The following LARS1 variants were observed in gnomAD, a reference collection of about 807,000 sequenced individuals.
LARS1 encodes leucine--tRNA ligase, cytoplasmic.
In LARS1, 100 loss-of-function variants were observed where a neutral mutation model predicts 162.8. The ratio of observed to expected loss-of-function variants is 0.61; its 90% CI spans 0.52 to 0.73. The LOEUF is 0.73. Among genes scored for constraint, LARS1 ranks in the 30% least tolerant of loss-of-function variants. The pLI is 0.00. For synonymous variants in LARS1, 457 were observed against 462.8 expected (o/e 0.99, Z 0.16); for missense variants, 1,258 against 1,408.9 (o/e 0.89, Z 1.71).
At chr5:146,167,234 C>T (rs1395987171) in intron 5 of LARS1, among the ~76,000 whole-genome samples, 3 of 152,032 alleles carry the variant, frequency 2.0e-5, no homozygotes, top group African/African-American at 7.2e-5. Flanking sequence ...TGGTAAAATC[C>T]AAAAAGTCTG....
At chr5:146,149,276 A>G (rs761739755) in intron 15 of LARS1, among the ~76,000 whole-genome samples, 1 of 152,214 alleles carries the variant, frequency 6.6e-6, no homozygotes, top group Non-Finnish European at 1.5e-5. Flanking sequence ...TCAGCTAAAT[A>G]GAAGAGAGTT....
intron 1 of LARS1, among the ~76,000 whole-genome samples, chr5:146,180,122 T>G: frequency 6.6e-6 from 1 of 152,182 alleles, no homozygotes; most frequent in East Asian, 1.9e-4. Flanking sequence ...GAGCAGGACA[T>G]GGGAACACTG....
rs1024112928 is a variant in LARS1, at chr5:146,181,864, T to C, written c.6+624A>G. 2.5e-4 allele frequency among the ~76,000 whole-genome samples: 34 copies of C among 137,660 alleles called. 1 individual carries two copies. Among genetic ancestry groups the C allele is most frequent in the Non-Finnish European group, 3.5e-4 (23 of 65,636 alleles). The allele number at this position is 137,660 out of a possible 152,430, so 90.3% of individuals were successfully genotyped here. ...CAATTTTTTCTTTTTTTTTTTTTTTTTTTTTTTTTTTTTTTGCTGTAAGTA... is the reference window on the plus strand; with the variant it reads ...CAATTTTTTCTTTTTTTTTTTTTTTCTTTTTTTTTTTTTTTGCTGTAAGTA... On this transcript the variant is annotated intron_variant, in intron 1 of 31. Coordinates refer to ENST00000394434, the MANE Select transcript of LARS1 (RefSeq NM_020117.11).
chr5:146,140,287 GAAAATAAAA>G, intron 20 of LARS1, 26 bp from the exon 21 acceptor site: 1 of 1,576,676 alleles, frequency 6.3e-7, no homozygotes, highest in Non-Finnish European at 8.7e-7. Context: ...TTTAAAGATA[GAAAATAAAA>G]AAACAAAGAT....
At chr5:146,136,910 CT>C (rs1752525839) in intron 21 of LARS1, among the ~76,000 whole-genome samples, 2 of 152,020 alleles carry the variant, frequency 1.3e-5, no homozygotes, top group African/African-American at 4.8e-5. Context: ...TCCTTTTTCC[CT>C]TTTTTTGAGA....
chr5:146,165,778 T>C (rs191000677), intron 5 of LARS1, among the ~76,000 whole-genome samples: 17 of 152,246 alleles, frequency 1.1e-4, no homozygotes, highest in African/African-American at 2.4e-4. Context: ...GTCAGTAAAA[T>C]TGTTTCTCCC....
chr5:146,138,366 C>T (rs969667769), intron 21 of LARS1: 2 of 160,792 alleles, frequency 1.2e-5, no homozygotes, highest in Non-Finnish European at 2.9e-5. Flanking sequence ...TGATGCTATA[C>T]CCCTCAAGGA....
intron 30 of LARS1, among the ~76,000 whole-genome samples, chr5:146,121,891 G>A (rs2126376258): frequency 6.6e-6 from 1 of 152,088 alleles, no homozygotes; most frequent in East Asian, 1.9e-4. Context: ...CGGGTAGATG[G>A]GTGCAGCAAT....
intron 6 of LARS1, among the ~76,000 whole-genome samples, chr5:146,161,950 A>G (rs1036023243): frequency 2.0e-5 from 3 of 152,164 alleles, no homozygotes; most frequent in Admixed American, 1.3e-4. Context: ...AAGTTTTCTC[A>G]TGAGATTATA....
At chr5:146,135,309 G>A (rs1479373230) in intron 22 of LARS1, among the ~76,000 whole-genome samples, 2 of 151,784 alleles carry the variant, frequency 1.3e-5, no homozygotes, top group Non-Finnish European at 1.5e-5. Flanking sequence ...GAGCCACCGC[G>A]CTTGGCCCAT....
intron 15 of LARS1, among the ~76,000 whole-genome samples, chr5:146,148,331 C>G (rs1250369217): frequency 1.3e-5 from 2 of 152,160 alleles, no homozygotes; most frequent in Non-Finnish European, 2.9e-5. Flanking sequence ...CCAGAAAGCG[C>G]TGGAAGAGCT....
chr5:146,174,587 C>CATAT (rs58220245), intron 2 of LARS1, among the ~76,000 whole-genome samples: 16 of 24,766 alleles, frequency 6.5e-4, no homozygotes, highest in African/African-American at 1.2e-3. Flanking sequence ...TGTATATATC[C>CATAT]ATATATATAT....
At chr5:146,149,600 C>T (rs371714319) in intron 15 of LARS1, 22 bp downstream of exon 15, 25 of 1,571,622 alleles carry the variant, frequency 1.6e-5, no homozygotes, top group Non-Finnish European at 2.1e-5. Flanking sequence ...AAACAGCCTT[C>T]AGAGCATAGC....
Position 146,144,759 on chromosome 5 carries a change from T to G in LARS1, c.1504-50A>C, listed in dbSNP as rs756925218. ...ATTAGATACTATGTCAAATCAATCT[T>G]CATTCCTCAAGGATAAAAATTACTT... On this transcript the variant is annotated intron_variant, in intron 15 of 31. Transcript: ENST00000394434. 120 of 1,480,420 alleles carry G rather than the reference T, an allele frequency of 8.1e-5. 1 individual carries two copies. Among genetic ancestry groups the G allele is most frequent in the Non-Finnish European group, 1.1e-4 (119 of 1,063,802 alleles). The allele number at this position is 1,480,420 out of a possible 1,614,324, so 91.7% of individuals were successfully genotyped here.
At chr5:146,130,720 TATC>T (rs1292570267) in intron 24 of LARS1, 1 of 243,910 alleles carries the variant, frequency 4.1e-6, no homozygotes, top group African/African-American at 2.2e-5. Flanking sequence ...CCTTTGTTTT[TATC>T]AATTTTGAAA....
chr5:146,140,804 C>CA (rs1752740021), intron 20 of LARS1, among the ~76,000 whole-genome samples: 1 of 151,772 alleles, frequency 6.6e-6, no homozygotes, highest in Non-Finnish European at 1.5e-5. Flanking sequence ...GACTCCCTCT[C>CA]AAAAAAATGT....
chr5:146,125,110 T>C (rs1021362898), intron 28 of LARS1, among the ~76,000 whole-genome samples: 2 of 151,942 alleles, frequency 1.3e-5, no homozygotes, highest in African/African-American at 4.8e-5. Context: ...TCAAAATTAA[T>C]TGCCTTTGCA....
intron 1 of LARS1, chr5:146,182,266 G>T (rs982958110): frequency 1.6e-6 from 1 of 619,014 alleles, no homozygotes; most frequent in Non-Finnish European, 2.9e-6. Context: ...AGAAACTCCA[G>T]AGAAATAACA....
At chr5:146,139,345 CAAAAA>C (rs977056105) in intron 21 of LARS1, among the ~76,000 whole-genome samples, 2 of 79,334 alleles carry the variant, frequency 2.5e-5, no homozygotes, top group Admixed American at 2.4e-4. Context: ...TCCATCACAA[CAAAAA>C]AAAAAAAAAA....
Sources: gnomAD v4.1 joint callset for allele counts (sites outside exome capture counted in the v4.1 genomes callset) on GRCh38, gnomAD v4.1.1 for gene constraint, MANE v1.5 for transcripts, NCBI Gene and HGNC (gene_info 2026-07-23, HGNC 2026-07-21) for gene names.